Variants in CNTNAP2 observed in about 807,000 individuals in gnomAD.
CNTNAP2 encodes the protein contactin associated protein 2.
A neutral mutation model predicts 155.2 loss-of-function variants in CNTNAP2; 98 were observed. That is an observed-to-expected ratio of 0.63 (90% CI 0.54 to 0.75). CNTNAP2 has a LOEUF of 0.75. Ranked by LOEUF, CNTNAP2 falls within the 30% of genes least tolerant of loss-of-function variation. CNTNAP2 has a pLI of 0.00. For synonymous variants in CNTNAP2, 651 were observed against 631.2 expected (o/e 1.03, Z -0.47); for missense variants, 1,727 against 1,688.1 (o/e 1.02, Z -0.40).
intron 1 of CNTNAP2, among the ~76,000 whole-genome samples, chr7:146,499,598 C>G (rs1797270560): frequency 6.6e-6 from 1 of 152,046 alleles, no homozygotes; most frequent in African/African-American, 2.4e-5. Flanking sequence ...CTTCCTCCCC[C>G]CACACCCCGA....
At chr7:148,231,456 T>C (rs561635704) in intron 20 of CNTNAP2, among the ~76,000 whole-genome samples, 1 of 152,192 alleles carries the variant, frequency 6.6e-6, no homozygotes, top group South Asian at 2.1e-4. Context: ...TTGAAAAAGA[T>C]AAAACCAAAC....
intron 15 of CNTNAP2, among the ~76,000 whole-genome samples, chr7:148,104,288 C>T (rs905930188): frequency 6.6e-6 from 1 of 152,138 alleles, no homozygotes; most frequent in Non-Finnish European, 1.5e-5. Flanking sequence ...ATTTGTGTAA[C>T]GTAATCGTAT....
intron 3 of CNTNAP2, among the ~76,000 whole-genome samples, chr7:146,970,635 T>C (rs1392465309): frequency 1.3e-5 from 2 of 151,964 alleles, no homozygotes; most frequent in Non-Finnish European, 2.9e-5. Flanking sequence ...AGTTCAACCA[T>C]TGTGGAAGTC....
chr7:147,712,938 C>T (rs1319980290), intron 13 of CNTNAP2, among the ~76,000 whole-genome samples: 1 of 152,104 alleles, frequency 6.6e-6, no homozygotes, highest in African/African-American at 2.4e-5. Flanking sequence ...TCTCTGCCCA[C>T]CCTTTTGACA....
At chr7:146,382,838 G>A (rs1011191247) in intron 1 of CNTNAP2, among the ~76,000 whole-genome samples, 1 of 152,046 alleles carries the variant, frequency 6.6e-6, no homozygotes, top group African/African-American at 2.4e-5. Context: ...GTATTCTATA[G>A]CCAAATGAAA....
intron 1 of CNTNAP2, among the ~76,000 whole-genome samples, chr7:146,402,902 C>T (rs1795735392): frequency 6.6e-6 from 1 of 152,008 alleles, no homozygotes; most frequent in African/African-American, 2.4e-5. Context: ...TTATAGTTTA[C>T]ACTTGCATAA....
At chr7:146,298,704 T>C (rs1261804834) in intron 1 of CNTNAP2, among the ~76,000 whole-genome samples, 3 of 152,248 alleles carry the variant, frequency 2.0e-5, no homozygotes, top group African/African-American at 4.8e-5. Flanking sequence ...TGTTTTTGAA[T>C]GCATGTTCAA....
chr7:148,251,700 G>A lies in CNTNAP2; in HGVS notation c.3382-15333G>A, dbSNP rs115631265. Among the ~76,000 whole-genome samples, 659 of 152,154 alleles carry A rather than the reference G, an allele frequency of 4.3e-3. 9 individuals are homozygous for A. Among genetic ancestry groups the A allele is most frequent in the African/African-American group, 0.015 (623 of 41,484 alleles). ...TGCTCTTCTAGCTAGCTTTCTCTTG[G>A]CCCAAAGTACACAAATGGTGGCTCC... On this transcript the variant is annotated intron_variant, in intron 20 of 23. Transcript: ENST00000361727.
chr7:147,341,658 T>A (rs1309179539), intron 9 of CNTNAP2, among the ~76,000 whole-genome samples: 3 of 151,384 alleles, frequency 2.0e-5, no homozygotes, highest in Non-Finnish European at 4.4e-5. Flanking sequence ...TGGCTAAGAC[T>A]TGTTAGGATG....
rs941403545 is a variant in CNTNAP2 at position 146,390,474 on chromosome 7, G to A, written c.97+273501G>A. Among the ~76,000 whole-genome samples, 5 of 151,378 alleles carry A rather than the reference G, an allele frequency of 3.3e-5. 1 individual carries two copies. The highest frequency in any genetic ancestry group is 4.4e-5 in the Non-Finnish European group (3 of 67,900). Reference sequence around the variant, plus strand: ...AAAAAATCAGACAAGTTCAGATTGTGGCCAATTCTACAAAGCAACCTGCTT... The same window carrying A: ...AAAAAATCAGACAAGTTCAGATTGTAGCCAATTCTACAAAGCAACCTGCTT... On this transcript the variant is annotated intron_variant, in intron 1 of 23. Transcript: ENST00000361727.
chr7:146,815,213 T>C (rs1383139286), intron 2 of CNTNAP2, among the ~76,000 whole-genome samples: 13 of 152,150 alleles, frequency 8.5e-5, no homozygotes, highest in Admixed American at 8.5e-4. Context: ...TGCTTATTTG[T>C]TGAATAGCAA....
intron 1 of CNTNAP2, among the ~76,000 whole-genome samples, chr7:146,179,278 A>G (rs1798515910): frequency 6.6e-6 from 1 of 152,152 alleles, no homozygotes; most frequent in Non-Finnish European, 1.5e-5. Flanking sequence ...GGATGACTTA[A>G]TAACTTGGGA....
intron 18 of CNTNAP2, among the ~76,000 whole-genome samples, chr7:148,188,584 C>T (rs1795157907): frequency 6.6e-6 from 1 of 152,194 alleles, no homozygotes; most frequent in African/African-American, 2.4e-5. Flanking sequence ...CTTTCTCTCC[C>T]CTCTGGCAGT....
At chr7:147,417,994 T>C (rs764897483) in intron 10 of CNTNAP2, among the ~76,000 whole-genome samples, 63 of 152,242 alleles carry the variant, frequency 4.1e-4, no homozygotes, top group Non-Finnish European at 7.8e-4. Context: ...TAAGAGTTAA[T>C]TCATGTTTCT....
chr7:147,332,352 T>A (rs1323572061), intron 9 of CNTNAP2, among the ~76,000 whole-genome samples: 5 of 152,092 alleles, frequency 3.3e-5, no homozygotes, highest in African/African-American at 1.2e-4. Context: ...AATGATGAAG[T>A]TATCCATTAT....
At position 147,268,717 on chromosome 7, in the gene CNTNAP2, T is replaced by G. The variant is rs148008801; in HGVS notation, c.1349-31424T>G. On this transcript the variant is annotated intron_variant, in intron 8 of 23. Coordinates refer to ENST00000361727, the MANE Select transcript of CNTNAP2 (RefSeq NM_014141.6). ...TAGGGATGTCAGAAGGAGAGCAAGT[T>G]TGATTTCAGATACACTGAGTTTTTA... Among the ~76,000 whole-genome samples, 127 of 152,254 alleles carry G rather than the reference T, an allele frequency of 8.3e-4. No individual in the cohort carries two copies. The East Asian group carries it at 0.018, about 21-fold the overall frequency.
intron 1 of CNTNAP2, among the ~76,000 whole-genome samples, chr7:146,419,331 A>G (rs1341730230): frequency 1.3e-5 from 2 of 152,026 alleles, no homozygotes; most frequent in Non-Finnish European, 2.9e-5. Flanking sequence ...CCCTCCCACA[A>G]CACTTGGGAA....
chr7:148,223,033 T>A (rs1795780947), intron 19 of CNTNAP2, among the ~76,000 whole-genome samples: 1 of 152,186 alleles, frequency 6.6e-6, no homozygotes, highest in Non-Finnish European at 1.5e-5. Context: ...GTCCACGGAT[T>A]CAATCTACAT....
chr7:146,753,306 C>T (rs1801937680), intron 1 of CNTNAP2, among the ~76,000 whole-genome samples: 1 of 151,686 alleles, frequency 6.6e-6, no homozygotes, highest in South Asian at 2.1e-4. Context: ...ACACATTATC[C>T]ATGCTACCAT....
Sources: gnomAD v4.1 joint callset for allele counts (sites outside exome capture counted in the v4.1 genomes callset) on GRCh38, gnomAD v4.1.1 for gene constraint, MANE v1.5 for transcripts, NCBI Gene and HGNC (gene_info 2026-07-23, HGNC 2026-07-21) for gene names.